The following STAC variants were observed in gnomAD, a reference collection of about 807,000 sequenced individuals.
The protein encoded by STAC is SH3 and cysteine rich domain.
Under a neutral mutation model 48.8 loss-of-function variants are expected in STAC, and 43 were observed. The observed-to-expected ratio is 0.88, with a 90% CI of 0.69 to 1.14. STAC has a LOEUF of 1.14. STAC is among the 50% of genes most tolerant of loss of function. The probability of loss-of-function intolerance (pLI) is 0.00; values close to 1 mark genes in which losing one functional copy is unlikely to be tolerated. For missense variants in STAC, 497 were observed against 504.0 expected, an observed-to-expected ratio of 0.99 and a Z score of 0.13; for synonymous variants, 193 against 179.5, an observed-to-expected ratio of 1.07 and a Z score of -0.60.
chr3:36,439,103 G>A (rs1381457801), intron 1 of STAC, among the ~76,000 whole-genome samples: 1 of 152,162 alleles, frequency 6.6e-6, no homozygotes, highest in African/African-American at 2.4e-5. Context: ...CCCACCAGCA[G>A]TGGAAAGAGC....
chr3:36,400,139 T>C (rs973148624), intron 1 of STAC, among the ~76,000 whole-genome samples: 2 of 152,188 alleles, frequency 1.3e-5, no homozygotes, highest in African/African-American at 4.8e-5. Context: ...TTTCTCAGTT[T>C]CACACAGGAT....
chr3:36,520,787 C>T (rs1297352868), intron 8 of STAC, among the ~76,000 whole-genome samples: 3 of 152,194 alleles, frequency 2.0e-5, no homozygotes, highest in Non-Finnish European at 4.4e-5. Context: ...AGCAGCCTCC[C>T]TCTCACTCAA....
At chr3:36,540,219 T>C (rs1471327694) in intron 10 of STAC, among the ~76,000 whole-genome samples, 1 of 152,198 alleles carries the variant, frequency 6.6e-6, no homozygotes, top group Non-Finnish European at 1.5e-5. Flanking sequence ...TCTTAGAGCC[T>C]CTAGAAAGAA....
At chr3:36,484,849 G>A (rs1697758539) in intron 3 of STAC, 128 bp from the exon 4 acceptor site, 5 of 591,630 alleles carry the variant, frequency 8.5e-6, no homozygotes, top group Non-Finnish European at 1.4e-5. Flanking sequence ...TATAGGATAA[G>A]TCGGCATGTT....
Position 36,481,650 on chromosome 3 carries a change from T to C in STAC, c.389-1342T>C, listed in dbSNP as rs144300653. ...TGTCTCTCCAGGTTGTCATCTTGCA[T>C]AGCATTCTACATAATCCATATCTGA... On this transcript the variant is annotated intron_variant, in intron 2 of 10. Coordinates refer to ENST00000273183, the MANE Select transcript of STAC (RefSeq NM_003149.3). Among the ~76,000 whole-genome samples, 28 of 152,338 alleles carry C rather than the reference T, an allele frequency of 1.8e-4. No homozygotes were observed. In the East Asian group the frequency reaches 5.4e-3, roughly 29 times the overall value.
intron 1 of STAC, among the ~76,000 whole-genome samples, chr3:36,432,009 A>G (rs1700716886): frequency 6.6e-6 from 1 of 152,210 alleles, no homozygotes; most frequent in South Asian, 2.1e-4. Context: ...CTGTTTCCTA[A>G]GAGGAATCTT....
chr3:36,530,181 T>G (rs968540644), intron 10 of STAC, among the ~76,000 whole-genome samples: 2 of 152,246 alleles, frequency 1.3e-5, no homozygotes, highest in African/African-American at 4.8e-5. Flanking sequence ...GACTTTAATT[T>G]TCAACTTTGG....
intron 2 of STAC, among the ~76,000 whole-genome samples, chr3:36,450,369 C>T (rs1696642138): frequency 1.3e-5 from 2 of 152,242 alleles, no homozygotes; most frequent in African/African-American, 4.8e-5. Flanking sequence ...TATATCAAGG[C>T]TCCAGCCTGC....
At chr3:36,511,385 T>C (rs1335862433) in intron 8 of STAC, among the ~76,000 whole-genome samples, 1 of 152,180 alleles carries the variant, frequency 6.6e-6, no homozygotes, top group Non-Finnish European at 1.5e-5. Context: ...TAATGTGGTG[T>C]TCACTGGCCT....
intron 1 of STAC, 91 bp downstream of exon 1, chr3:36,380,845 T>G: frequency 2.0e-6 from 2 of 983,330 alleles, no homozygotes; most frequent in Non-Finnish European, 3.0e-6. Context: ...AGCACGGGCG[T>G]GGGGGTCTGA....
chr3:36,415,230 C>A, intron 1 of STAC, among the ~76,000 whole-genome samples: 1 of 152,216 alleles, frequency 6.6e-6, no homozygotes, highest in African/African-American at 2.4e-5. Context: ...GCAGAGGTTT[C>A]TGCTGCCTTT....
intron 6 of STAC, among the ~76,000 whole-genome samples, chr3:36,502,145 G>T (rs1385268235): frequency 6.6e-6 from 1 of 152,120 alleles, no homozygotes; most frequent in East Asian, 1.9e-4. Context: ...AAAGAAGAAA[G>T]TTCTTTGGGG....
At chr3:36,495,823 T>G (rs528691004) in intron 6 of STAC, among the ~76,000 whole-genome samples, 1 of 152,354 alleles carries the variant, frequency 6.6e-6, no homozygotes, top group East Asian at 1.9e-4. Flanking sequence ...CTACCCTAAA[T>G]GTGGCTCATG....
At chr3:36,479,973 C>T (rs566027350) in intron 2 of STAC, among the ~76,000 whole-genome samples, 4 of 152,270 alleles carry the variant, frequency 2.6e-5, no homozygotes, top group Admixed American at 6.5e-5. Flanking sequence ...GACATTGAAA[C>T]ATCAGAAACC....
intron 1 of STAC, among the ~76,000 whole-genome samples, chr3:36,432,261 A>G (rs982160635): frequency 3.3e-5 from 5 of 152,338 alleles, no homozygotes; most frequent in African/African-American, 1.2e-4. Context: ...GACTCAGAGA[A>G]GTTAAATAAC....
chr3:36,428,800 A>T (rs995986246), intron 1 of STAC, among the ~76,000 whole-genome samples: 1 of 152,230 alleles, frequency 6.6e-6, no homozygotes, highest in Non-Finnish European at 1.5e-5. Context: ...ATCAGAGGTC[A>T]GATCACGGAA....
chr3:36,493,629 A>C (rs1196043938), intron 6 of STAC, among the ~76,000 whole-genome samples: 1 of 152,042 alleles, frequency 6.6e-6, no homozygotes, highest in Non-Finnish European at 1.5e-5. Flanking sequence ...GCTACACCTT[A>C]GGTACCTGAA....
At chr3:36,449,346 C>T (rs919162049) in intron 2 of STAC, among the ~76,000 whole-genome samples, 1 of 152,130 alleles carries the variant, frequency 6.6e-6, no homozygotes, top group African/African-American at 2.4e-5. Flanking sequence ...GCTACTTTTC[C>T]GTAATTCCAT....
chr3:36,388,744 T>C (rs1699677141), intron 1 of STAC, among the ~76,000 whole-genome samples: 1 of 152,062 alleles, frequency 6.6e-6, no homozygotes, highest in Admixed American at 6.5e-5. Context: ...TTTTCACTGA[T>C]TTGAAATTTT....
Sources: gnomAD v4.1 joint callset for allele counts (sites outside exome capture counted in the v4.1 genomes callset) on GRCh38, gnomAD v4.1.1 for gene constraint, MANE v1.5 for transcripts, NCBI Gene and HGNC (gene_info 2026-07-23, HGNC 2026-07-21) for gene names.